Variants in EDA observed in about 807,000 individuals in gnomAD.
EDA encodes ectodysplasin A.
In EDA, 2 loss-of-function variants were observed where a neutral mutation model predicts 23.6. The ratio of observed to expected loss-of-function variants is 0.08; its 90% CI spans 0.03 to 0.27. The LOEUF (loss-of-function observed/expected upper bound fraction) is 0.27, where lower values mean the gene tolerates loss of function less well. EDA is among the 10% of genes least tolerant of loss of function. The probability of loss-of-function intolerance (pLI) is 1.00; values close to 1 mark genes in which losing one functional copy is unlikely to be tolerated. For missense variants in EDA, 229 were observed against 324.2 expected (o/e 0.71, Z 2.26); for synonymous variants, 131 against 132.0 (o/e 0.99, Z 0.05).
Position 70,030,535 on chromosome X carries a change from A to G in EDA, c.793+15A>G. On this transcript the variant is annotated intron_variant, in intron 6 of 7. Transcript: ENST00000374552. ...AGTCAAGAATGGTAAGAATCAAAAT[A>G]GGCTCTCTCCCAAAGAGGAGCTTCT... The G allele has an allele frequency of 8.4e-7, 1 of 1,184,731 alleles. No individual in the cohort carries two copies. Among genetic ancestry groups the G allele is most frequent in the South Asian group, 1.8e-5 (1 of 54,157 alleles).
At chrX:69,713,220 G>C in intron 1 of EDA, among the ~76,000 whole-genome samples, 1 of 112,161 alleles carries the variant, frequency 8.9e-6, no homozygotes, top group East Asian at 2.8e-4. Flanking sequence ...ATTTTAAAAA[G>C]AGGAAAATTG....
intron 1 of EDA, among the ~76,000 whole-genome samples, chrX:69,679,288 T>G (rs1438147813): frequency 9.5e-6 from 1 of 104,748 alleles, no homozygotes; most frequent in Non-Finnish European, 2.0e-5. Context: ...ATTCTCTTTT[T>G]TGGTTGTGTC....
chrX:69,941,658 A>G (rs2018759450), intron 1 of EDA, among the ~76,000 whole-genome samples: 1 of 110,593 alleles, frequency 9.0e-6, no homozygotes, highest in Non-Finnish European at 1.9e-5. Flanking sequence ...TTTTCAGTCT[A>G]TGTTTGTCTT....
intron 1 of EDA, among the ~76,000 whole-genome samples, chrX:69,888,982 A>ATATATATG (rs2017878001): frequency 2.0e-4 from 8 of 40,404 alleles, no homozygotes; most frequent in Admixed American, 8.6e-4. Context: ...GGGTAGTTAT[A>ATATATATG]TATATATATA....
chrX:69,647,875 G>C (rs1457063073), intron 1 of EDA, among the ~76,000 whole-genome samples: 1 of 111,313 alleles, frequency 9.0e-6, no homozygotes. Flanking sequence ...ATTTTTGTGG[G>C]GTTTTTTGTT....
At chrX:69,892,466 GT>G (rs2017948844) in intron 1 of EDA, among the ~76,000 whole-genome samples, 1 of 110,984 alleles carries the variant, frequency 9.0e-6, no homozygotes, top group Admixed American at 9.6e-5. Context: ...TAACAAAAAT[GT>G]CACACTTATG....
chrX:69,990,806 G>A (rs1490502898), intron 2 of EDA, among the ~76,000 whole-genome samples: 1 of 103,125 alleles, frequency 9.7e-6, no homozygotes, highest in Admixed American at 1.1e-4. Flanking sequence ...TCACTTCCAA[G>A]TCTGGGATTT....
chrX:69,782,366 T>TAAAAAAAA (rs751293381), intron 1 of EDA, among the ~76,000 whole-genome samples: 9 of 65,454 alleles, frequency 1.4e-4, no homozygotes, highest in African/African-American at 6.1e-4. Flanking sequence ...TAAATGCTCT[T>TAAAAAAAA]AAAAAAAAAA....
chrX:69,835,770 G>A (rs1049874257), intron 1 of EDA, among the ~76,000 whole-genome samples: 7 of 111,845 alleles, frequency 6.3e-5, no homozygotes, highest in South Asian at 3.7e-4. Flanking sequence ...GAGGAGCTGC[G>A]AGCCTTTGGA....
At chrX:69,840,941 G>A (rs183386519) in intron 1 of EDA, among the ~76,000 whole-genome samples, 150 of 111,843 alleles carry the variant, frequency 1.3e-3, no homozygotes, top group African/African-American at 4.8e-3. Flanking sequence ...AGCCTTCATG[G>A]CCTAATTACT....
Position 69,922,642 on chromosome X carries a change from A to G in EDA, c.397-34385A>G, listed in dbSNP as rs781719617. 9.8e-5 allele frequency among the ~76,000 whole-genome samples: 11 copies of G among 112,288 alleles called. No homozygotes were observed. In the South Asian group the frequency reaches 4.1e-3, roughly 41 times the overall value. On this transcript the variant is annotated intron_variant, in intron 1 of 7. Coordinates refer to ENST00000374552, the MANE Select transcript of EDA (RefSeq NM_001399.5). ...TTCTCTCTTTGTTAGAATTGAGGGA[A>G]CAATGCTTTCAAAGTGTTAGGCTTT...
In EDA at chrX:69,616,443, T is replaced by C. The variant is rs766017052; in HGVS notation, c.135T>C (p.Gly45=). 6 of 1,211,129 alleles carry C rather than the reference T, an allele frequency of 5.0e-6. No homozygotes were observed. Among genetic ancestry groups the C allele is most frequent in the Non-Finnish European group, 6.7e-6 (6 of 895,239 alleles). The change falls in exon 1 of 8, where the codon GGT becomes GGC. Residue 45 remains glycine (G), a synonymous_variant. Transcript: ENST00000374552. ...GGAACAGCTGCCTGCTCTTCCTGGG[T>C]TTCTTTGGCCTCTCGCTGGCCCTCC... ...GEGNSCLLFL[G]FFGLSLALHL...
intron 1 of EDA, among the ~76,000 whole-genome samples, chrX:69,716,383 G>C (rs2012335302): frequency 9.0e-6 from 1 of 111,432 alleles, no homozygotes; most frequent in African/African-American, 3.3e-5. Context: ...AGTTGTAGGT[G>C]TGTGGCTTTA....
intron 1 of EDA, among the ~76,000 whole-genome samples, chrX:69,712,294 G>A (rs2012090535): frequency 9.0e-6 from 1 of 111,407 alleles, no homozygotes; most frequent in Non-Finnish European, 1.9e-5. Flanking sequence ...ATGGTAATGT[G>A]TCTTTAATTT....
intron 1 of EDA, among the ~76,000 whole-genome samples, chrX:69,863,573 ATGTGTGTG>A (rs199961109): frequency 1.6e-5 from 1 of 64,270 alleles, no homozygotes; most frequent in African/African-American, 6.3e-5. Context: ...GTGTGTATAT[ATGTGTGTG>A]TATATATACA....
chrX:69,920,815 T>G (rs1397769041), intron 1 of EDA, among the ~76,000 whole-genome samples: 1 of 111,992 alleles, frequency 8.9e-6, no homozygotes, highest in African/African-American at 3.2e-5. Context: ...TTTTCATATT[T>G]CACTGTTTGT....
At chrX:70,010,013 G>A (rs1346002935) in intron 2 of EDA, among the ~76,000 whole-genome samples, 2 of 111,953 alleles carry the variant, frequency 1.8e-5, no homozygotes, top group South Asian at 3.7e-4. Context: ...AATTTTTAAG[G>A]TGTGTTTTAT....
intron 1 of EDA, among the ~76,000 whole-genome samples, chrX:69,921,686 G>C (rs1285150908): frequency 9.0e-6 from 1 of 110,575 alleles, no homozygotes; most frequent in African/African-American, 3.3e-5. Context: ...AATTACTTAG[G>C]TTGGGCCTTT....
At chrX:69,936,044 A>G (rs1205549840) in intron 1 of EDA, among the ~76,000 whole-genome samples, 1 of 107,313 alleles carries the variant, frequency 9.3e-6, no homozygotes, top group African/African-American at 3.3e-5. Context: ...ACATTTATAT[A>G]TGGATTTTGT....
Sources: allele counts gnomAD v4.1 joint callset (sites outside exome capture counted in the v4.1 genomes callset), GRCh38; gene constraint gnomAD v4.1.1; transcripts MANE v1.5; gene names NCBI Gene and HGNC (gene_info 2026-07-23, HGNC 2026-07-21).